SRP72: variants seen among roughly 807,000 people sequenced by gnomAD.
The protein encoded by SRP72 is signal recognition particle subunit SRP72.
A neutral mutation model predicts 96.3 loss-of-function variants in SRP72; 49 were observed. The observed-to-expected ratio is 0.51, with a 90% CI of 0.40 to 0.65. The LOEUF (loss-of-function observed/expected upper bound fraction) is 0.65, where lower values mean the gene tolerates loss of function less well. Ranked by LOEUF, SRP72 falls within the 30% of genes least tolerant of loss-of-function variation. The pLI is 0.00. For synonymous variants in SRP72, 267 were observed against 275.2 expected, an observed-to-expected ratio of 0.97 and a Z score of 0.30; for missense variants, 736 against 793.3, an observed-to-expected ratio of 0.93 and a Z score of 0.87.
chr4:56,499,252 A>T (rs954827946), intron 17 of SRP72, among the ~76,000 whole-genome samples: 1 of 152,172 alleles, frequency 6.6e-6, no homozygotes, highest in South Asian at 2.1e-4. Flanking sequence ...AGACTTAAAC[A>T]TAAGACCTAA....
At chr4:56,472,828 A>G (rs1162397074) in intron 3 of SRP72, among the ~76,000 whole-genome samples, 2 of 152,180 alleles carry the variant, frequency 1.3e-5, no homozygotes, top group Non-Finnish European at 2.9e-5. Context: ...GGTAAATTCT[A>G]GCATTTTGAG....
chr4:56,503,225 A>G lies in SRP72; in HGVS notation c.*1364A>G, dbSNP rs946709742. On this transcript the variant is annotated 3_prime_UTR_variant, in exon 19 of 19. Transcript: ENST00000642900. Reference sequence around the variant, plus strand: ...TGGCATCTAAAGAGATCTTTTTTAAATAAAAATTATGTATTGTGGCATAAT... The same window carrying G: ...TGGCATCTAAAGAGATCTTTTTTAAGTAAAAATTATGTATTGTGGCATAAT... The G allele has an allele frequency of 6.6e-6, 1 of 152,224 alleles. No homozygotes were observed. The highest frequency in any genetic ancestry group is 2.4e-5 in the African/African-American group (1 of 41,464). 9.4% of individuals were successfully genotyped at this position (152,224 alleles called of 1,614,324 possible).
At chr4:56,480,290 GTC>G (rs760337328) in intron 8 of SRP72, among the ~76,000 whole-genome samples, 1 of 152,004 alleles carries the variant, frequency 6.6e-6, no homozygotes, top group Non-Finnish European at 1.5e-5. Flanking sequence ...CCAAGATGGA[GTC>G]TCTGTTGCCC....
At chr4:56,473,753 G>A (rs1048926362) in intron 3 of SRP72, among the ~76,000 whole-genome samples, 5 of 150,890 alleles carry the variant, frequency 3.3e-5, no homozygotes, top group African/African-American at 9.7e-5. Flanking sequence ...CAACAAGAGC[G>A]AAACTCCGTC....
At position 56,500,576 on chromosome 4, in the gene SRP72, T is replaced by C; in HGVS notation, c.1719T>C (p.Asp573=). ...PKNYDPKVTP[D]PERWLPMRER... ...ATTATGACCCAAAAGTTACCCCAGA[T>C]CCAGAAAGATGGCTGCCAATGCGAG... Residue 573 remains aspartate, a synonymous_variant, in exon 18 of 19, where the codon GAT becomes GAC. Transcript: ENST00000642900. 1.9e-6 allele frequency: 3 copies of C among 1,613,734 alleles called. No individual in the cohort carries two copies. Among genetic ancestry groups the C allele is most frequent in the Non-Finnish European group, 8.5e-7 (1 of 1,179,820 alleles).
intron 2 of SRP72, among the ~76,000 whole-genome samples, chr4:56,470,559 G>A (rs1719933709): frequency 6.6e-6 from 1 of 150,960 alleles, no homozygotes; most frequent in Admixed American, 6.6e-5. Context: ...AAAGTCATTT[G>A]TAGGAGGTAA....
chr4:56,477,844 A>G (rs983270776), intron 6 of SRP72, among the ~76,000 whole-genome samples: 1 of 152,186 alleles, frequency 6.6e-6, no homozygotes, highest in Non-Finnish European at 1.5e-5. Flanking sequence ...TTAATTACAG[A>G]ATTTGTTCAA....
At chr4:56,497,224 ATTTT>A (rs1301875613) in intron 17 of SRP72, among the ~76,000 whole-genome samples, 2 of 142,686 alleles carry the variant, frequency 1.4e-5, no homozygotes, top group Non-Finnish European at 3.1e-5. Context: ...TTATTTATTT[ATTTT>A]TTTTTTTTTG....
rs369373254 is a variant in SRP72 at position 56,478,670 on chromosome 4, C to A, written c.825+21C>A. The A allele has an allele frequency of 5.6e-6, 9 of 1,605,722 alleles. No homozygotes were observed. The African/African-American group carries it at 1.2e-4, about 22-fold the overall frequency. ...ACAAGGTATGGAGTATTTGTGCTTT[C>A]CATAGATATATTTTACCCTGAAAGC... is the stretch of plus-strand genomic sequence containing the variant. On this transcript the variant is annotated intron_variant, in intron 8 of 18. Coordinates refer to ENST00000642900, the MANE Select transcript of SRP72 (RefSeq NM_006947.4).
intron 17 of SRP72, among the ~76,000 whole-genome samples, chr4:56,496,867 T>C (rs1287663605): frequency 6.6e-6 from 1 of 152,106 alleles, no homozygotes. Flanking sequence ...TGCGTGCCTG[T>C]AATCCCAGCT....
chr4:56,486,291 T>G lies in SRP72; in HGVS notation c.1087-34T>G, dbSNP rs1560683567. On this transcript the variant is annotated intron_variant, in intron 10 of 18. Coordinates refer to ENST00000642900, the MANE Select transcript of SRP72 (RefSeq NM_006947.4). ...TATACAATTAGTTGTGTAAATTAAA[T>G]GTGATTTTTTTCCCCCAAACTAAAA... 3 of 1,499,710 alleles carry G rather than the reference T, an allele frequency of 2.0e-6. 1 individual carries two copies. In the South Asian group the frequency reaches 3.6e-5, roughly 18 times the overall value. 92.9% of individuals were successfully genotyped at this position (1,499,710 alleles called of 1,614,324 possible).
intron 1 of SRP72, among the ~76,000 whole-genome samples, chr4:56,467,953 T>G (rs2110109086): frequency 6.6e-6 from 1 of 152,326 alleles, no homozygotes; most frequent in African/African-American, 2.4e-5. Flanking sequence ...GGTCCCTGGT[T>G]GCTTACAGCC....
chr4:56,493,434 T>G (rs1438704054), intron 16 of SRP72, among the ~76,000 whole-genome samples: 1 of 152,236 alleles, frequency 6.6e-6, no homozygotes, highest in East Asian at 1.9e-4. Flanking sequence ...TTAATGCTCT[T>G]TATTTTATCT....
chr4:56,467,781 C>T (rs778001688), intron 1 of SRP72, 37 bp downstream of exon 1: 3 of 1,437,404 alleles, frequency 2.1e-6, no homozygotes, highest in Admixed American at 3.2e-5. Context: ...GGGCCCAGGC[C>T]GGCTGGAGGA....
At chr4:56,486,153 A>T (rs17086853) in intron 10 of SRP72, 172 bp from the exon 11 acceptor site, 1 of 512,132 alleles carries the variant, frequency 2.0e-6, no homozygotes, top group Non-Finnish European at 3.5e-6. Flanking sequence ...ACCTTTAAGA[A>T]AAAAAGTGAG....
chr4:56,491,473 AGTAGATGT>A lies in SRP72; in HGVS notation c.1546_1553del (p.Val516Ter). ...CATCGTCAGATAGTATGTCTCTAAA[AGTAGATGT>A]TGAGGCTCTTGAAAATTCTGCTGGT... is the stretch of plus-strand genomic sequence containing the variant. On this transcript the variant is annotated frameshift_variant, in exon 16 of 19. Transcript: ENST00000642900. LOFTEE classifies it high-confidence loss of function. The A allele has an allele frequency of 1.2e-6, 2 of 1,614,030 alleles. No homozygotes were observed. Among genetic ancestry groups the A allele is most frequent in the Non-Finnish European group, 1.7e-6 (2 of 1,179,934 alleles).
At chr4:56,472,865 A>G (rs17086804) in intron 3 of SRP72, among the ~76,000 whole-genome samples, 19,795 of 152,190 alleles carry the variant, frequency 0.13, 1,642 homozygotes, top group East Asian at 0.27. Flanking sequence ...TGTGTCATAC[A>G]TAATGGACTA....
intron 17 of SRP72, among the ~76,000 whole-genome samples, chr4:56,496,223 C>A (rs537400994): frequency 2.6e-5 from 4 of 152,166 alleles, no homozygotes; most frequent in Non-Finnish European, 4.4e-5. Context: ...CAGGTTATTT[C>A]TTGATTTTGC....
chr4:56,490,104 T>C (rs1175283485), intron 13 of SRP72, among the ~76,000 whole-genome samples: 2 of 152,160 alleles, frequency 1.3e-5, no homozygotes, highest in Admixed American at 6.5e-5. Context: ...TAAATAGATA[T>C]AGGTTGTTTT....
Sources: allele counts gnomAD v4.1 joint callset (sites outside exome capture counted in the v4.1 genomes callset), GRCh38; gene constraint gnomAD v4.1.1; transcripts MANE v1.5; gene names NCBI Gene and HGNC (gene_info 2026-07-23, HGNC 2026-07-21).